Variants in MCUB observed in about 807,000 individuals in gnomAD.
MCUB encodes mitochondrial calcium uniporter dominant negative subunit beta, also known as calcium uniporter regulatory subunit MCUb, mitochondrial.
A neutral mutation model predicts 41.4 loss-of-function variants in MCUB; 46 were observed. That is an observed-to-expected ratio of 1.11 (90% CI 0.88 to 1.42). The LOEUF (loss-of-function observed/expected upper bound fraction) is 1.42, where lower values mean the gene tolerates loss of function less well. Among genes scored for constraint, MCUB ranks in the 40% most tolerant of loss-of-function variants. MCUB has a pLI of 0.00. For synonymous variants in MCUB, 148 were observed against 148.2 expected (o/e 1.00, Z 0.01); for missense variants, 403 against 404.9 (o/e 1.00, Z 0.04).
intron 1 of MCUB, among the ~76,000 whole-genome samples, chr4:109,604,204 A>G (rs942880607): frequency 1.6e-4 from 24 of 151,800 alleles, no homozygotes; most frequent in Admixed American, 5.9e-4. Flanking sequence ...GTTAAGAGTC[A>G]TCACCACTCC....
intron 4 of MCUB, among the ~76,000 whole-genome samples, chr4:109,672,142 C>T (rs1423563617): frequency 6.6e-6 from 1 of 151,978 alleles, no homozygotes; most frequent in Non-Finnish European, 1.5e-5. Flanking sequence ...GTTTCTTAGC[C>T]TCTTTTATTC....
chr4:109,676,147 A>G (rs2126149467), intron 4 of MCUB, among the ~76,000 whole-genome samples: 1 of 152,240 alleles, frequency 6.6e-6, no homozygotes, highest in South Asian at 2.1e-4. Flanking sequence ...CAGAGTGTTA[A>G]GGACAATTCT....
chr4:109,605,504 A>G (rs1051055928), intron 1 of MCUB, among the ~76,000 whole-genome samples: 1 of 152,212 alleles, frequency 6.6e-6, no homozygotes, highest in African/African-American at 2.4e-5. Flanking sequence ...TGTATTCTAT[A>G]GCCGTTGGAT....
chr4:109,597,937 C>T (rs1387136384), intron 1 of MCUB, among the ~76,000 whole-genome samples: 3 of 144,590 alleles, frequency 2.1e-5, no homozygotes, highest in Admixed American at 6.8e-5. Context: ...CGGGCAGAGG[C>T]GCTCCTCACA....
intron 1 of MCUB, among the ~76,000 whole-genome samples, chr4:109,564,315 A>G (rs1726720096): frequency 1.3e-5 from 2 of 151,792 alleles, no homozygotes; most frequent in Admixed American, 1.3e-4. Context: ...TTTGTATTTT[A>G]GTAGAGACCG....
intron 1 of MCUB, among the ~76,000 whole-genome samples, chr4:109,628,332 G>T (rs77268539): frequency 1.3e-5 from 2 of 152,306 alleles, no homozygotes; most frequent in Non-Finnish European, 2.9e-5. Context: ...AAATAAAGGA[G>T]GTAGGCAGAG....
Position 109,687,539 on chromosome 4 carries a change from C to T in MCUB, c.958C>T (p.Arg320Cys), listed in dbSNP as rs139702688. The T allele has an allele frequency of 6.9e-5, 111 of 1,612,560 alleles. 1 individual carries two copies. In the African/African-American group the frequency reaches 9.3e-4, roughly 14 times the overall value. The change falls in exon 8 of 8, where the codon CGT (arginine) becomes TGT (cysteine). Residue 320 changes from arginine (R) to cysteine (C), a missense_variant. Coordinates refer to ENST00000394650, the MANE Select transcript of MCUB (RefSeq NM_017918.5). ...GGCTAAAGAATCCCTGAAACAGGCG[C>T]GTCATTCTCTCTGTTTGCAAATGCA... ...AKAKESLKQA[R>C]HSLCLQMQVE...
intron 1 of MCUB, among the ~76,000 whole-genome samples, chr4:109,654,317 A>T (rs543125955): frequency 1.4e-4 from 22 of 152,302 alleles, no homozygotes; most frequent in African/African-American, 5.3e-4. Flanking sequence ...GTGATACTTA[A>T]GATCATATAT....
In MCUB at chr4:109,673,789, C is replaced by T. The variant is rs374130147; in HGVS notation, c.452-8793C>T. 4.9e-5 allele frequency: 31 copies of T among 628,658 alleles called. 1 individual carries two copies. Among genetic ancestry groups the T allele is most frequent in the African/African-American group, 2.0e-4 (11 of 54,756 alleles). 38.9% of individuals were successfully genotyped at this position (628,658 alleles called of 1,614,324 possible). The stretch of plus-strand genomic sequence containing the variant: ...TGAAGAAAAGGAAAAGATCAGAAGC[C>T]GGTTGGCGGGTGAGAGGTTTTTTCG... On this transcript the variant is annotated intron_variant, in intron 4 of 7. Coordinates refer to ENST00000394650, the MANE Select transcript of MCUB (RefSeq NM_017918.5).
intron 4 of MCUB, among the ~76,000 whole-genome samples, chr4:109,677,301 A>G (rs1729595646): frequency 6.6e-6 from 1 of 152,184 alleles, no homozygotes; most frequent in African/African-American, 2.4e-5. Context: ...GTTTGATTTC[A>G]GACTCACAGC....
intron 1 of MCUB, among the ~76,000 whole-genome samples, chr4:109,634,507 G>A (rs1045145085): frequency 2.7e-5 from 4 of 148,190 alleles, no homozygotes; most frequent in Non-Finnish European, 4.5e-5. Context: ...AAAAAAAGAA[G>A]TGTCTCCATG....
chr4:109,567,381 C>T (rs1726806129), intron 1 of MCUB, among the ~76,000 whole-genome samples: 1 of 151,890 alleles, frequency 6.6e-6, no homozygotes, highest in African/African-American at 2.4e-5. Context: ...TGTATGTGTT[C>T]CTGTGGGGCA....
At chr4:109,601,562 C>T (rs946256442) in intron 1 of MCUB, among the ~76,000 whole-genome samples, 1 of 152,100 alleles carries the variant, frequency 6.6e-6, no homozygotes, top group Non-Finnish European at 1.5e-5. Flanking sequence ...TTGCAAATGA[C>T]GAGATCTCAT....
chr4:109,685,110 T>G, intron 6 of MCUB, 141 bp from the exon 7 acceptor site: 1 of 551,948 alleles, frequency 1.8e-6, no homozygotes, highest in Non-Finnish European at 3.2e-6. Context: ...GGCTTATGCT[T>G]ACTCTCATGG....
At chr4:109,593,281 GA>G (rs1727480217) in intron 1 of MCUB, among the ~76,000 whole-genome samples, 1 of 147,324 alleles carries the variant, frequency 6.8e-6, no homozygotes, top group Non-Finnish European at 1.5e-5. Flanking sequence ...AGTCTATAGG[GA>G]ATCACTCGGA....
intron 4 of MCUB, among the ~76,000 whole-genome samples, chr4:109,672,382 G>C (rs1245842048): frequency 6.6e-6 from 1 of 152,200 alleles, no homozygotes; most frequent in African/African-American, 2.4e-5. Flanking sequence ...TAAAACTCAT[G>C]AAAGTGTGGG....
chr4:109,657,538 A>G (rs1729132676), intron 1 of MCUB, among the ~76,000 whole-genome samples: 1 of 152,282 alleles, frequency 6.6e-6, no homozygotes, highest in East Asian at 1.9e-4. Flanking sequence ...TGGCAAACTT[A>G]TTGTTAATAA....
intron 1 of MCUB, among the ~76,000 whole-genome samples, chr4:109,566,079 C>T (rs1726768167): frequency 2.0e-5 from 3 of 151,630 alleles, no homozygotes; most frequent in Admixed American, 2.0e-4. Context: ...TGGTCTCAAC[C>T]CTGTGGGCTC....
rs377267962 is a variant in MCUB, at chr4:109,682,649, A to C, written c.519A>C (p.Thr173=). 3.1e-6 allele frequency: 5 copies of C among 1,613,144 alleles called. No individual in the cohort carries two copies. The change falls in exon 5 of 8, where the codon ACA becomes ACC. Residue 173 remains threonine, a synonymous_variant. Coordinates refer to ENST00000394650, the MANE Select transcript of MCUB (RefSeq NM_017918.5). The part of the protein sequence containing the change: ...HMKSLVHRLF[T]ILHLEESQKK... ...AATCTTTGGTTCACAGACTATTTAC[A>C]ATCTTGCATTTAGAAGAGTCTCAGA...
Sources: gnomAD v4.1 joint callset for allele counts (sites outside exome capture counted in the v4.1 genomes callset) on GRCh38, gnomAD v4.1.1 for gene constraint, MANE v1.5 for transcripts, NCBI Gene and HGNC (gene_info 2026-07-23, HGNC 2026-07-21) for gene names.